GJC1: variants seen among roughly 807,000 people sequenced by gnomAD.
The protein encoded by GJC1 is gap junction gamma-1 protein.
A neutral mutation model predicts 29.3 loss-of-function variants in GJC1; 5 were observed. That is an observed-to-expected ratio of 0.17 (90% CI 0.09 to 0.36). GJC1 has a LOEUF of 0.36. Ranked by LOEUF, GJC1 falls within the 10% of genes least tolerant of loss-of-function variation. The pLI is 1.00. For synonymous variants in GJC1, 177 were observed against 183.3 expected (o/e 0.97, Z 0.28); for missense variants, 310 against 496.2 (o/e 0.62, Z 3.56).
chr17:44,806,915 C>A (rs1433637483), intron 2 of GJC1, among the ~76,000 whole-genome samples: 3 of 152,052 alleles, frequency 2.0e-5, no homozygotes, highest in Non-Finnish European at 4.4e-5. Context: ...GGTACAGCTA[C>A]AAACTGCTGG....
intron 1 of GJC1, among the ~76,000 whole-genome samples, chr17:44,811,700 A>G (rs947875554): frequency 2.6e-5 from 4 of 152,010 alleles, no homozygotes; most frequent in Non-Finnish European, 5.9e-5. Context: ...TTCTCTTAAT[A>G]TAATTCTGTG....
rs1424948284 is a variant in GJC1, at chr17:44,830,099, G to A, written c.-134C>T. 1 of 152,412 alleles carries A rather than the reference G, an allele frequency of 6.6e-6. No individual in the cohort carries two copies. Among genetic ancestry groups the A allele is most frequent in the Non-Finnish European group, 1.5e-5 (1 of 67,754 alleles). The allele number at this position is 152,412 out of a possible 1,614,324, so 9.4% of individuals were successfully genotyped here. ...TCCCCCGGAGCCGCCTCCTCCGCCG[G>A]GCCTCGGCCCGTCCCGCCGGTCGCG... On this transcript the variant is annotated 5_prime_UTR_variant, in exon 1 of 3. Coordinates refer to ENST00000592524, the MANE Select transcript of GJC1 (RefSeq NM_005497.4). This position sits in a 1 kb window ranked among gnomAD's most constrained non-coding sequence, Gnocchi z 4.3.
At chr17:44,809,731 T>G (rs1337793958) in intron 1 of GJC1, among the ~76,000 whole-genome samples, 1 of 151,482 alleles carries the variant, frequency 6.6e-6, no homozygotes, top group Non-Finnish European at 1.5e-5. Flanking sequence ...CCACCACGCC[T>G]GGGTAATTTT....
chr17:44,797,272 A>AT (rs986412003), downstream of GJC1, among the ~76,000 whole-genome samples: 19 of 151,708 alleles, frequency 1.3e-4, no homozygotes, highest in Admixed American at 2.6e-4. Flanking sequence ...TGGCCGGCTA[A>AT]TTTTTTTGTA....
intron 1 of GJC1, among the ~76,000 whole-genome samples, chr17:44,825,632 G>C (rs1336870137): frequency 6.6e-6 from 1 of 152,070 alleles, no homozygotes; most frequent in Non-Finnish European, 1.5e-5. Flanking sequence ...AAAATTAGCT[G>C]GGCGTGGTGG....
chr17:44,829,600 C>G (rs1597767549), intron 1 of GJC1: 2 of 152,206 alleles, frequency 1.3e-5, no homozygotes, highest in South Asian at 4.1e-4. Flanking sequence ...ACGCAGGGAT[C>G]GAGGTCGGGG....
intron 1 of GJC1, among the ~76,000 whole-genome samples, chr17:44,821,455 T>A (rs1426571916): frequency 6.6e-6 from 1 of 151,960 alleles, no homozygotes; most frequent in African/African-American, 2.4e-5. Context: ...CCCAGCACTT[T>A]GGGAGGCTGA....
At chr17:44,811,092 T>G (rs2049975429) in intron 1 of GJC1, among the ~76,000 whole-genome samples, 1 of 151,974 alleles carries the variant, frequency 6.6e-6, no homozygotes, top group Non-Finnish European at 1.5e-5. Context: ...TCTTTTTTTT[T>G]TTGAGATGGA....
At chr17:44,795,736 G>A (rs751516920), downstream of GJC1, among the ~76,000 whole-genome samples, 3 of 152,218 alleles carry the variant, frequency 2.0e-5, no homozygotes, top group Non-Finnish European at 2.9e-5. Context: ...CCCAGTGGGC[G>A]TATGTTACAG....
Position 44,807,410 on chromosome 17 carries a change from C to T in GJC1, c.-37G>A, listed in dbSNP as rs1043747694. ...ACACTTTACCTGTTGTCCAGAACTTCGGTTACCCAAAATTTTCTTAGAGAA... is the reference window on the plus strand; with the variant it reads ...ACACTTTACCTGTTGTCCAGAACTTTGGTTACCCAAAATTTTCTTAGAGAA... On this transcript the variant is annotated 5_prime_UTR_variant, in exon 2 of 3. Transcript: ENST00000592524. 1 of 152,180 alleles carries T rather than the reference C, an allele frequency of 6.6e-6. No individual in the cohort carries two copies. The highest frequency in any genetic ancestry group is 2.4e-5 in the African/African-American group (1 of 41,446). The allele number at this position is 152,180 out of a possible 1,614,324, so 9.4% of individuals were successfully genotyped here.
At chr17:44,816,047 A>G (rs932451112) in intron 1 of GJC1, among the ~76,000 whole-genome samples, 4 of 133,800 alleles carry the variant, frequency 3.0e-5, no homozygotes, top group African/African-American at 1.1e-4. Context: ...CGGGAGGCGG[A>G]GCTTGCAGTG....
rs1459221485 is a variant in GJC1 at position 44,814,866 on chromosome 17, C to CG, written c.-96-7398dup. Among the ~76,000 whole-genome samples, 8 of 151,662 alleles carry CG rather than the reference C, an allele frequency of 5.3e-5. No individual in the cohort carries two copies. The East Asian group carries it at 9.7e-4, about 18-fold the overall frequency. On this transcript the variant is annotated intron_variant, in intron 1 of 2. Transcript: ENST00000592524. ...CTGAGGCAGGAGAACCACTTGAACC[C>CG]GGGGGGCGGAGGTTGCAGTGAGACG...
Position 44,799,698 on chromosome 17 carries a change from TG to T in GJC1, c.*4928del, listed in dbSNP as rs1324342596. 6.6e-6 allele frequency: 1 copy of T among 152,230 alleles called. No homozygotes were observed. 9.4% of individuals were successfully genotyped at this position (152,230 alleles called of 1,614,324 possible). Reference sequence around the variant, plus strand: ...CCTTCGGAGGCTGTGATGGGAGGATTGCTTGGGCCCAGGAGTTTGAGACCAG... The same window carrying T: ...CCTTCGGAGGCTGTGATGGGAGGATTCTTGGGCCCAGGAGTTTGAGACCAG... On this transcript the variant is annotated 3_prime_UTR_variant, in exon 3 of 3. Transcript: ENST00000592524.
Position 44,827,222 on chromosome 17 carries a change from A to C in GJC1, c.-97+2840T>G, listed in dbSNP as rs987536832. ...CTACTTGGGAGGCTGAGGCATGAGA[A>C]TCACTTGAACTCGGGAGGCGGAGGT... is the stretch of plus-strand genomic sequence containing the variant. On this transcript the variant is annotated intron_variant, in intron 1 of 2. Transcript: ENST00000592524. 3.3e-5 allele frequency among the ~76,000 whole-genome samples: 5 copies of C among 152,222 alleles called. No individual in the cohort carries two copies. The East Asian group carries it at 9.7e-4, about 29-fold the overall frequency.
chr17:44,806,397 G>GTT lies in GJC1; in HGVS notation c.-20-562_-20-561dup, dbSNP rs1160736962. ...ATATTTCTCAGACCTTGGTTCTTCT[G>GTT]TTTGTTTTTTTTTTTTTTTTTTGAG... On this transcript the variant is annotated intron_variant, in intron 2 of 2. Transcript: ENST00000592524. Among the ~76,000 whole-genome samples the GTT allele has an allele frequency of 3.0e-3, 309 of 103,604 alleles. 4 individuals are homozygous for GTT. Among genetic ancestry groups the GTT allele is most frequent in the African/African-American group, 0.011 (301 of 27,692 alleles). 68.0% of individuals were successfully genotyped at this position (103,604 alleles called of 152,430 possible).
chr17:44,830,034 C>T lies in GJC1; in HGVS notation c.-97+28G>A, dbSNP rs1335458535. ...GGACCCCGCCCCTGGCCCGCTTCTC[C>T]TCAGCCGGCCCTGCGGCCGCCCCTC... On this transcript the variant is annotated intron_variant, in intron 1 of 2. Coordinates refer to ENST00000592524, the MANE Select transcript of GJC1 (RefSeq NM_005497.4). This position sits in a 1 kb window ranked among gnomAD's most constrained non-coding sequence, Gnocchi z 4.3. 2.0e-5 allele frequency: 3 copies of T among 152,266 alleles called. No homozygotes were observed. The highest frequency in any genetic ancestry group is 1.3e-4 in the Admixed American group (2 of 15,274). The allele number at this position is 152,266 out of a possible 1,614,324, so 9.4% of individuals were successfully genotyped here. A position where few individuals can be genotyped will look rare whatever the true frequency, so the allele number is the denominator to read the frequency against.
chr17:44,831,038 T>C (rs1367415814), upstream of GJC1, among the ~76,000 whole-genome samples: 1 of 152,218 alleles, frequency 6.6e-6, no homozygotes, highest in East Asian at 1.9e-4. Flanking sequence ...AGTAAAGAGA[T>C]GGGCGACCTC....
chr17:44,827,777 A>C (rs1386303722), intron 1 of GJC1, among the ~76,000 whole-genome samples: 2 of 151,570 alleles, frequency 1.3e-5, no homozygotes, highest in Non-Finnish European at 2.9e-5. Flanking sequence ...CTAAAACTAC[A>C]AAAAAAAATT....
At chr17:44,794,500 C>T (rs2049772737), downstream of GJC1, 1 of 152,246 alleles carries the variant, frequency 6.6e-6, no homozygotes, top group Non-Finnish European at 1.5e-5. Context: ...CAGTCTCTGC[C>T]TGCTGGGCAG....
Sources: gnomAD v4.1 joint callset for allele counts (sites outside exome capture counted in the v4.1 genomes callset) on GRCh38, gnomAD v4.1.1 for gene constraint, Gnocchi (gnomAD v3.1) non-coding constraint, MANE v1.5 for transcripts, NCBI Gene and HGNC (gene_info 2026-07-23, HGNC 2026-07-21) for gene names.